SEMA5A: variants seen among roughly 807,000 people sequenced by gnomAD.
SEMA5A encodes semaphorin 5A, also known as semaphorin-5A.
A neutral mutation model predicts 135.5 loss-of-function variants in SEMA5A; 55 were observed. The observed-to-expected ratio is 0.41, with a 90% confidence interval of 0.33 to 0.51. SEMA5A has a LOEUF of 0.51. Ranked by LOEUF, SEMA5A falls within the 20% of genes least tolerant of loss-of-function variation. The pLI, the probability that SEMA5A is intolerant of heterozygous loss-of-function variation, is 0.37. For synonymous variants in SEMA5A, 580 were observed against 546.5 expected (o/e 1.06, Z -0.85); for missense variants, 1,290 against 1,419.9 (o/e 0.91, Z 1.47).
intron 3 of SEMA5A, among the ~76,000 whole-genome samples, chr5:9,373,163 T>A (rs1755216074): frequency 6.6e-6 from 1 of 152,156 alleles, no homozygotes; most frequent in South Asian, 2.1e-4. Context: ...CAGATATTCT[T>A]CCTGTCAAAA....
At chr5:9,369,932 A>G (rs1755068290) in intron 3 of SEMA5A, among the ~76,000 whole-genome samples, 1 of 152,226 alleles carries the variant, frequency 6.6e-6, no homozygotes, top group East Asian at 1.9e-4. Flanking sequence ...CCTTATCACT[A>G]TGTAACCAAT....
chr5:9,199,153 G>A (rs1414799242), intron 9 of SEMA5A, among the ~76,000 whole-genome samples: 1 of 152,126 alleles, frequency 6.6e-6, no homozygotes, highest in African/African-American at 2.4e-5. Context: ...CTGGCATAAT[G>A]TTTCTCTGTT....
chr5:9,341,539 G>A (rs890664816), intron 3 of SEMA5A, among the ~76,000 whole-genome samples: 4 of 151,570 alleles, frequency 2.6e-5, no homozygotes, highest in African/African-American at 9.7e-5. Context: ...ACATTAAGAT[G>A]CTCATTGCCC....
intron 3 of SEMA5A, among the ~76,000 whole-genome samples, chr5:9,352,299 T>TTTTTA (rs1223634392): frequency 5.3e-5 from 8 of 152,200 alleles, no homozygotes; most frequent in Non-Finnish European, 1.0e-4. Flanking sequence ...CTGATATATC[T>TTTTTA]TTTTATTTTA....
chr5:9,369,567 C>A lies in SEMA5A; in HGVS notation c.124+10256G>T, dbSNP rs114705416. Among the ~76,000 whole-genome samples the A allele has an allele frequency of 5.5e-3, 838 of 152,120 alleles. 7 individuals are homozygous for A. The highest frequency in any genetic ancestry group is 0.019 in the African/African-American group (777 of 41,492). On this transcript the variant is annotated intron_variant, in intron 3 of 22. Coordinates refer to ENST00000382496, the MANE Select transcript of SEMA5A (RefSeq NM_003966.3). ...GTTTACTTTTTGCAGAGAGATATAC[C>A]ATTTTTCCAGTACCACTTGTTGAAG...
intron 3 of SEMA5A, among the ~76,000 whole-genome samples, chr5:9,360,248 TC>T (rs1754633624): frequency 1.3e-5 from 2 of 152,198 alleles, no homozygotes; most frequent in Admixed American, 6.5e-5. Context: ...TGTACAGTGT[TC>T]TCCAGAGGGA....
intron 5 of SEMA5A, among the ~76,000 whole-genome samples, chr5:9,238,503 T>C (rs1393008025): frequency 6.6e-6 from 1 of 152,160 alleles, no homozygotes; most frequent in African/African-American, 2.4e-5. Flanking sequence ...TTTTAAATAT[T>C]TTTTCTCAGA....
intron 2 of SEMA5A, among the ~76,000 whole-genome samples, chr5:9,423,550 A>T (rs1432621051): frequency 6.6e-6 from 1 of 152,242 alleles, no homozygotes; most frequent in Non-Finnish European, 1.5e-5. Flanking sequence ...CCAGTGCCAA[A>T]TCTTGTTTTC....
chr5:9,104,145 A>T (rs34298899), intron 16 of SEMA5A, among the ~76,000 whole-genome samples: 17,648 of 152,224 alleles, frequency 0.12, 1,581 homozygotes, highest in East Asian at 0.32. Context: ...ATGCTGGTCC[A>T]GTCCCCCACT....
chr5:9,305,024 A>T (rs1269887459), intron 5 of SEMA5A, among the ~76,000 whole-genome samples: 2 of 152,132 alleles, frequency 1.3e-5, no homozygotes, highest in Non-Finnish European at 2.9e-5. Flanking sequence ...CGGTAACTGT[A>T]TCATCTACTC....
intron 2 of SEMA5A, among the ~76,000 whole-genome samples, chr5:9,432,010 GC>G (rs1160867499): frequency 1.3e-5 from 2 of 152,136 alleles, no homozygotes; most frequent in Non-Finnish European, 2.9e-5. Flanking sequence ...AGGGGAAAAG[GC>G]CCAAATCTCA....
Position 9,037,646 on chromosome 5 carries a change from T to A in SEMA5A, c.*5251A>T, listed in dbSNP as rs900521987. 6.6e-6 allele frequency: 1 copy of A among 152,182 alleles called. No individual in the cohort carries two copies. Among genetic ancestry groups the A allele is most frequent in the African/African-American group, 2.4e-5 (1 of 41,444 alleles). 9.4% of individuals were successfully genotyped at this position (152,182 alleles called of 1,614,324 possible). A position where few individuals can be genotyped will look rare whatever the true frequency, so the allele number is the denominator to read the frequency against. On this transcript the variant is annotated 3_prime_UTR_variant, in exon 23 of 23. Coordinates refer to ENST00000382496, the MANE Select transcript of SEMA5A (RefSeq NM_003966.3). ...AACATTACATCTTATTTACCTTTTC[T>A]ATTACCAAAAGAGAAAAGAAGCAAG...
chr5:9,084,580 A>G (rs930733324), intron 16 of SEMA5A, among the ~76,000 whole-genome samples: 2 of 152,204 alleles, frequency 1.3e-5, no homozygotes, highest in East Asian at 3.9e-4. Flanking sequence ...GTCTCCTGCC[A>G]TGTGAGATAT....
chr5:9,399,996 A>G (rs1375896301), intron 2 of SEMA5A, among the ~76,000 whole-genome samples: 3 of 152,234 alleles, frequency 2.0e-5, no homozygotes, highest in Admixed American at 1.3e-4. Context: ...GGATGACTTC[A>G]TATCCTTTGC....
intron 2 of SEMA5A, among the ~76,000 whole-genome samples, chr5:9,425,577 G>T (rs1056060806): frequency 2.0e-5 from 3 of 152,176 alleles, no homozygotes; most frequent in African/African-American, 7.2e-5. Flanking sequence ...GACACCATTT[G>T]TTTATACAGA....
intron 1 of SEMA5A, among the ~76,000 whole-genome samples, chr5:9,474,883 G>A (rs1357172555): frequency 6.6e-6 from 1 of 152,128 alleles, no homozygotes; most frequent in Non-Finnish European, 1.5e-5. Context: ...GGGACTTCAC[G>A]TGTTGGAACC....
intron 5 of SEMA5A, among the ~76,000 whole-genome samples, chr5:9,270,022 C>T (rs753444917): frequency 4.6e-5 from 7 of 152,094 alleles, no homozygotes; most frequent in East Asian, 1.9e-4. Context: ...CTGTTAAAAA[C>T]GGCTCACTGT....
At chr5:9,049,408 G>A (rs1165819121) in intron 21 of SEMA5A, among the ~76,000 whole-genome samples, 1 of 152,136 alleles carries the variant, frequency 6.6e-6, no homozygotes, top group Admixed American at 6.5e-5. Flanking sequence ...CACGTGATCT[G>A]CCTGCCTCGG....
rs141139963 is a variant in SEMA5A, at chr5:9,243,291, T to C, written c.271-5401A>G. On this transcript the variant is annotated intron_variant, in intron 5 of 22. Transcript: ENST00000382496. ...TACGACTTGGCTTACAGGGCATCAC[T>C]GGAACCTCTGCCTCACTCATCGCAT... 3.6e-3 allele frequency among the ~76,000 whole-genome samples: 543 copies of C among 152,310 alleles called. 7 individuals carry two copies. The highest frequency in any genetic ancestry group is 0.012 in the African/African-American group (517 of 41,570).
Sources: gnomAD v4.1 joint callset for allele counts (sites outside exome capture counted in the v4.1 genomes callset) on GRCh38, gnomAD v4.1.1 for gene constraint, MANE v1.5 for transcripts, NCBI Gene and HGNC (gene_info 2026-07-23, HGNC 2026-07-21) for gene names.